PDIA6: variants seen among roughly 807,000 people sequenced by gnomAD.
The protein encoded by PDIA6 is protein disulfide isomerase family A member 6, also known as protein disulfide-isomerase A6.
In PDIA6, 29 loss-of-function variants were observed where a neutral mutation model predicts 58.4. The ratio of observed to expected loss-of-function variants is 0.50; its 90% CI spans 0.37 to 0.68. The LOEUF (loss-of-function observed/expected upper bound fraction) is 0.68, where lower values mean the gene tolerates loss of function less well. Among genes scored for constraint, PDIA6 ranks in the 30% least tolerant of loss-of-function variants. The probability of loss-of-function intolerance (pLI) is 0.00; values close to 1 mark genes in which losing one functional copy is unlikely to be tolerated. For synonymous variants in PDIA6, 192 were observed against 202.6 expected, an observed-to-expected ratio of 0.95 and a Z score of 0.44; for missense variants, 480 against 551.0, an observed-to-expected ratio of 0.87 and a Z score of 1.29.
intron 1 of PDIA6, chr2:10,820,909 A>C (rs1450284505): frequency 8.5e-6 from 6 of 702,106 alleles, no homozygotes. Flanking sequence ...GTGCTCTGAG[A>C]GTGAGCGTCC....
intron 1 of PDIA6, among the ~76,000 whole-genome samples, chr2:10,806,632 A>AAGACAGACAGACAGACAGACAGAC (rs1558452527): frequency 2.5e-5 from 3 of 121,240 alleles, no homozygotes; most frequent in African/African-American, 8.1e-5. Context: ...TAAAGACAGA[A>AAGACAGACAGACAGACAGACAGAC]AGAAAGAAAG....
chr2:10,826,271 T>C (rs1667552605), intron 1 of PDIA6, among the ~76,000 whole-genome samples: 1 of 152,220 alleles, frequency 6.6e-6, no homozygotes, highest in South Asian at 2.1e-4. Context: ...AGGAAGTCTA[T>C]AGAGACAGAA....
At chr2:10,828,098 A>G (rs1033732552) in intron 1 of PDIA6, among the ~76,000 whole-genome samples, 2 of 152,010 alleles carry the variant, frequency 1.3e-5, no homozygotes, top group East Asian at 3.9e-4. Flanking sequence ...ATGAACCTAC[A>G]TTGACACCTC....
At chr2:10,823,240 T>G (rs1333011443) in intron 1 of PDIA6, 2 of 152,224 alleles carry the variant, frequency 1.3e-5, no homozygotes, top group Non-Finnish European at 2.9e-5. Flanking sequence ...AGAATGAAGC[T>G]CTCTCTTCTC....
intron 1 of PDIA6, among the ~76,000 whole-genome samples, chr2:10,809,717 A>G (rs1448785730): frequency 1.3e-5 from 2 of 150,684 alleles, no homozygotes; most frequent in Non-Finnish European, 3.0e-5. Flanking sequence ...CTACTTTTAA[A>G]GAACTTTATC....
At chr2:10,831,267 C>A (rs1410913864) in intron 1 of PDIA6, among the ~76,000 whole-genome samples, 1 of 152,348 alleles carries the variant, frequency 6.6e-6, no homozygotes, top group East Asian at 1.9e-4. Context: ...GCGCTGCCCT[C>A]CTCCCGGGCC....
rs1804106 is a variant in PDIA6, at chr2:10,789,822, C to T, written c.767G>A (p.Arg256Gln). The T allele has an allele frequency of 9.3e-6, 15 of 1,613,538 alleles. No individual in the cohort carries two copies. The highest frequency in any genetic ancestry group is 4.0e-5 in the African/African-American group (3 of 74,840). ...GESPVDYDGGRTRSDIVSRAL... is the reference protein window; with the variant it reads ...GESPVDYDGGQTRSDIVSRAL... ...CCGGGACACGATGTCGGATCTTGTC[C>T]GCCCACCGTCATAATCCACAGGAGA... Residue 256 changes from arginine to glutamine, a missense_variant, in exon 8 of 13, where the codon CGG becomes CAG. By Grantham distance (43) the Arg-to-Gln change is conservative (BLOSUM62 1). Coordinates refer to ENST00000272227, the MANE Select transcript of PDIA6 (RefSeq NM_005742.4).
At chr2:10,794,468 C>A (rs955767466) in intron 4 of PDIA6, among the ~76,000 whole-genome samples, 1 of 128,754 alleles carries the variant, frequency 7.8e-6, no homozygotes, top group Non-Finnish European at 1.6e-5. Context: ...AAAAATCTTT[C>A]TTTTTTTTTT....
chr2:10,793,686 C>T (rs1190369299), intron 4 of PDIA6, among the ~76,000 whole-genome samples: 3 of 152,090 alleles, frequency 2.0e-5, no homozygotes, highest in Non-Finnish European at 2.9e-5. Flanking sequence ...TTAAGTTTTA[C>T]GTAGTGTGAA....
intron 5 of PDIA6, 82 bp from the exon 6 acceptor site, chr2:10,792,007 A>G: frequency 7.2e-7 from 1 of 1,395,798 alleles, no homozygotes; most frequent in South Asian, 1.3e-5. Context: ...CTACTGCTAC[A>G]TCTTAACAAA....
At chr2:10,791,282 T>G (rs1666023592) in intron 6 of PDIA6, among the ~76,000 whole-genome samples, 1 of 151,858 alleles carries the variant, frequency 6.6e-6, no homozygotes, top group African/African-American at 2.4e-5. Flanking sequence ...TAGCTGGGAC[T>G]ACAGGCACAC....
Position 10,803,188 on chromosome 2 carries a change from G to A in PDIA6, c.20-548C>T, listed in dbSNP as rs542533565. Among the ~76,000 whole-genome samples the A allele has an allele frequency of 4.6e-5, 7 of 152,220 alleles. No homozygotes were observed. In the East Asian group the frequency reaches 1.4e-3, roughly 29 times the overall value. On this transcript the variant is annotated intron_variant, in intron 1 of 12. Transcript: ENST00000272227. Reference sequence around the variant, plus strand: ...TATTTATATTTTGAGACGGAGTTTCGCTCTTGTTGCCCAGGCTGGAGTGCA... The same window carrying A: ...TATTTATATTTTGAGACGGAGTTTCACTCTTGTTGCCCAGGCTGGAGTGCA...
At chr2:10,830,219 T>A (rs1001928964) in intron 1 of PDIA6, among the ~76,000 whole-genome samples, 2 of 152,230 alleles carry the variant, frequency 1.3e-5, no homozygotes, top group African/African-American at 4.8e-5. Context: ...GGGCCAGGAC[T>A]GGGCTGTGTC....
upstream of PDIA6, among the ~76,000 whole-genome samples, chr2:10,836,718 C>A (rs529443769): frequency 6.6e-6 from 1 of 152,102 alleles, no homozygotes; most frequent in African/African-American, 2.4e-5. Flanking sequence ...CCTTCGCTTA[C>A]CCCTGGCAAC....
At chr2:10,815,071 C>G (rs1218101167), upstream of PDIA6, among the ~76,000 whole-genome samples, 1 of 152,098 alleles carries the variant, frequency 6.6e-6, no homozygotes, top group Admixed American at 6.5e-5. Flanking sequence ...GCCCACTGTA[C>G]AGGCACAGGC....
chr2:10,813,808 G>C (rs1024297293), upstream of PDIA6, among the ~76,000 whole-genome samples: 1 of 150,482 alleles, frequency 6.6e-6, no homozygotes, highest in Middle Eastern at 3.5e-3. Context: ...GCTAATTTTT[G>C]TATTTTTAGC....
intron 4 of PDIA6, among the ~76,000 whole-genome samples, chr2:10,794,113 T>C (rs1666159510): frequency 6.6e-6 from 1 of 152,126 alleles, no homozygotes; most frequent in South Asian, 2.1e-4. Flanking sequence ...CTTTCTTCAG[T>C]TTAAAGGCAA....
intron 1 of PDIA6, among the ~76,000 whole-genome samples, chr2:10,829,186 G>T (rs1223215647): frequency 2.6e-5 from 4 of 152,198 alleles, no homozygotes; most frequent in African/African-American, 9.6e-5. Context: ...AGAAGGGTTT[G>T]TGTCATGCCC....
At chr2:10,810,642 T>A (rs1666966406) in intron 1 of PDIA6, among the ~76,000 whole-genome samples, 1 of 152,052 alleles carries the variant, frequency 6.6e-6, no homozygotes, top group African/African-American at 2.4e-5. Flanking sequence ...GATTAAGGTT[T>A]GAGACTAAAA....
Sources: gnomAD v4.1 joint callset for allele counts (sites outside exome capture counted in the v4.1 genomes callset) on GRCh38, gnomAD v4.1.1 for gene constraint, MANE v1.5 for transcripts, NCBI Gene and HGNC (gene_info 2026-07-23, HGNC 2026-07-21) for gene names.